The following SPRY3 variants were observed in gnomAD, a reference collection of about 807,000 sequenced individuals.
SPRY3 encodes protein sprouty homolog 3.
In SPRY3, 15 loss-of-function variants were observed where a neutral mutation model predicts 20.2. That is an observed-to-expected ratio of 0.74 (90% CI 0.50 to 1.14). SPRY3 has a LOEUF of 1.14. Among genes scored for constraint, SPRY3 ranks in the 50% most tolerant of loss-of-function variants. SPRY3 has a pLI of 0.00. For missense variants in SPRY3, 364 were observed against 363.9 expected, an observed-to-expected ratio of 1.00 and a Z score of 0.00; for synonymous variants, 143 against 136.5, an observed-to-expected ratio of 1.05 and a Z score of -0.33.
intron 1 of SPRY3, among the ~76,000 whole-genome samples, chrX:155,629,857 T>G (rs187504091): frequency 8.9e-6 from 1 of 112,305 alleles, no homozygotes; most frequent in African/African-American, 3.2e-5. Context: ...TCTCTCATTC[T>G]CTCCACTCTG....
intron 1 of SPRY3, among the ~76,000 whole-genome samples, chrX:155,616,136 T>TCTCTCTCTCTCTCCC (rs2067852625): frequency 1.0e-5 from 1 of 95,402 alleles, no homozygotes; most frequent in Non-Finnish European, 2.1e-5. Context: ...CTCTCCTCTC[T>TCTCTCTCTCTCTCCC]CTCTCTCTCT....
chrX:155,766,591 C>T lies in SPRY3; in HGVS notation c.-281-1371C>T, dbSNP rs1325906401. Among the ~76,000 whole-genome samples the T allele has an allele frequency of 4.6e-5, 7 of 152,252 alleles. No homozygotes were observed. In the East Asian group the frequency reaches 1.4e-3, roughly 29 times the overall value. The stretch of plus-strand genomic sequence containing the variant: ...TGAAATAGGACTTGAAATCAGATCT[C>T]CTTTATTTTAAATATAAAGCTGCTG... On this transcript the variant is annotated intron_variant, in intron 2 of 3. Coordinates refer to ENST00000675360, the Ensembl canonical transcript of SPRY3.
chrX:155,684,255 C>G (rs1265921320), intron 2 of SPRY3, among the ~76,000 whole-genome samples: 1 of 110,771 alleles, frequency 9.0e-6, no homozygotes, highest in Non-Finnish European at 1.9e-5. Context: ...GTTGAAAATA[C>G]AGGAGAAAGA....
At chrX:155,716,981 AATATATATATATATATAT>A (rs749530944) in intron 2 of SPRY3, among the ~76,000 whole-genome samples, 9 of 63,500 alleles carry the variant, frequency 1.4e-4, no homozygotes, top group East Asian at 4.8e-4. Flanking sequence ...TAAAATACAA[AATATATATATATATATAT>A]ATATATATAT....
At chrX:155,698,693 T>A (rs1283992158) in intron 2 of SPRY3, among the ~76,000 whole-genome samples, 1 of 111,980 alleles carries the variant, frequency 8.9e-6, no homozygotes, top group African/African-American at 3.2e-5. Flanking sequence ...TAGGGAGTAA[T>A]GGATGCTGAG....
chrX:155,698,555 A>AT (rs991586789), intron 2 of SPRY3, among the ~76,000 whole-genome samples: 6 of 111,655 alleles, frequency 5.4e-5, no homozygotes, highest in South Asian at 3.7e-4. Flanking sequence ...TAACCAGTAT[A>AT]TTTTTTTCAT....
chrX:155,774,136 T>G, exon 4 of SPRY3: 1 of 1,613,974 alleles, frequency 6.2e-7, no homozygotes. Flanking sequence ...CAGCTCAATG[T>G]CCCATAGCAC....
intron 1 of SPRY3, among the ~76,000 whole-genome samples, chrX:155,646,207 C>A (rs1157373650): frequency 8.9e-6 from 1 of 111,900 alleles, no homozygotes; most frequent in African/African-American, 3.3e-5. Flanking sequence ...TGTAACATGT[C>A]TCGAAATCAG....
At chrX:155,707,076 G>A in intron 2 of SPRY3, among the ~76,000 whole-genome samples, 1 of 150,876 alleles carries the variant, frequency 6.6e-6, no homozygotes, top group East Asian at 1.9e-4. Context: ...TCTGAAGGTG[G>A]AAGTTTAGAT....
exon 4 of SPRY3, chrX:155,774,233 T>A (rs754912788): frequency 6.2e-7 from 1 of 1,613,868 alleles, no homozygotes; most frequent in South Asian, 1.1e-5. Context: ...GGAGCAGGGG[T>A]CCACCCAAAG....
chrX:155,630,850 C>A (rs2067903881), intron 1 of SPRY3, among the ~76,000 whole-genome samples: 1 of 111,578 alleles, frequency 9.0e-6, no homozygotes, highest in Non-Finnish European at 1.9e-5. Context: ...CCCCTATAAT[C>A]TGAACATTTG....
At chrX:155,696,415 A>G (rs191571642) in intron 2 of SPRY3, among the ~76,000 whole-genome samples, 2 of 111,059 alleles carry the variant, frequency 1.8e-5, no homozygotes, top group African/African-American at 6.5e-5. Flanking sequence ...TATACCCCCA[A>G]GACTTTGATA....
At chrX:155,736,651 T>C (rs777809119) in intron 2 of SPRY3, among the ~76,000 whole-genome samples, 1 of 152,124 alleles carries the variant, frequency 6.6e-6, no homozygotes, top group African/African-American at 2.4e-5. Flanking sequence ...AAATATGATA[T>C]GCTTAAGTGT....
downstream of SPRY3, chrX:155,780,092 A>C (rs2091454618): frequency 6.0e-6 from 1 of 167,012 alleles, no homozygotes; most frequent in Non-Finnish European, 1.5e-5. Context: ...CTGTCATTAC[A>C]ATCCAAGTTA....
At chrX:155,614,208 A>G (rs1557348646) in intron 1 of SPRY3, among the ~76,000 whole-genome samples, 2 of 112,083 alleles carry the variant, frequency 1.8e-5, no homozygotes, top group African/African-American at 3.2e-5. Context: ...GCCCAGATAT[A>G]GTCCATGCCC....
intron 2 of SPRY3, among the ~76,000 whole-genome samples, chrX:155,693,901 C>G (rs1603138626): frequency 8.9e-6 from 1 of 112,213 alleles, no homozygotes; most frequent in East Asian, 2.8e-4. Context: ...CTCGTGGGCT[C>G]AAGTGATCCT....
At chrX:155,772,133 G>C (rs2124005279) in intron 3 of SPRY3, among the ~76,000 whole-genome samples, 1 of 152,236 alleles carries the variant, frequency 6.6e-6, no homozygotes, top group Non-Finnish European at 1.5e-5. Flanking sequence ...AAAACAACTA[G>C]TTAAAAAGTG....
chrX:155,748,655 A>G (rs1275374564), intron 2 of SPRY3, among the ~76,000 whole-genome samples: 3 of 151,840 alleles, frequency 2.0e-5, no homozygotes, highest in African/African-American at 7.2e-5. Context: ...AGGCTATCAT[A>G]TTGGGAATCA....
At chrX:155,732,158 A>G (rs1400033840) in intron 2 of SPRY3, among the ~76,000 whole-genome samples, 1 of 152,092 alleles carries the variant, frequency 6.6e-6, no homozygotes, top group African/African-American at 2.4e-5. Flanking sequence ...CTGATGAGTC[A>G]GATGATTCTG....
Sources: allele counts gnomAD v4.1 joint callset (sites outside exome capture counted in the v4.1 genomes callset), GRCh38; gene constraint gnomAD v4.1.1; transcripts MANE v1.5; gene names NCBI Gene and HGNC (gene_info 2026-07-23, HGNC 2026-07-21).